The following SDK1 variants were observed in gnomAD, a reference collection of about 807,000 sequenced individuals.
SDK1 encodes protein sidekick-1.
SDK1 carries 157 observed loss-of-function variants against 245.5 expected under a neutral mutation model. The observed-to-expected ratio is 0.64, with a 90% confidence interval of 0.56 to 0.73. The LOEUF (loss-of-function observed/expected upper bound fraction) is 0.73, where lower values mean the gene tolerates loss of function less well. Among genes scored for constraint, SDK1 ranks in the 30% least tolerant of loss-of-function variants. SDK1 has a pLI of 0.00. For missense variants in SDK1, 3,583 were observed against 3,002.3 expected (o/e 1.19, Z -4.52); for synonymous variants, 1,647 against 1,278.5 (o/e 1.29, Z -6.15).
At chr7:3,620,268 T>TTATGAGAATG (rs1781894724) in intron 2 of SDK1, among the ~76,000 whole-genome samples, 1 of 151,180 alleles carries the variant, frequency 6.6e-6, no homozygotes, top group South Asian at 2.1e-4. Flanking sequence ...ATTTTAAAAA[T>TTATGAGAATG]CAATTAAAAA....
chr7:3,557,108 A>C (rs1012874828), intron 1 of SDK1, among the ~76,000 whole-genome samples: 1 of 152,096 alleles, frequency 6.6e-6, no homozygotes, highest in Non-Finnish European at 1.5e-5. Context: ...TAATAAAAGC[A>C]AAAGTCGACA....
intron 13 of SDK1, among the ~76,000 whole-genome samples, chr7:3,981,442 C>A (rs565861863): frequency 5.3e-5 from 8 of 150,338 alleles, no homozygotes; most frequent in African/African-American, 1.9e-4. Flanking sequence ...GAGGGTTGTA[C>A]GTCTCTCACT....
intron 30 of SDK1, among the ~76,000 whole-genome samples, chr7:4,154,871 G>A (rs1000730556): frequency 6.6e-6 from 1 of 152,050 alleles, no homozygotes; most frequent in African/African-American, 2.4e-5. Flanking sequence ...ACAGGAGGGT[G>A]TTCTTGCATC....
At chr7:3,916,149 G>T (rs1482278700) in intron 5 of SDK1, among the ~76,000 whole-genome samples, 2 of 152,194 alleles carry the variant, frequency 1.3e-5, no homozygotes, top group African/African-American at 2.4e-5. Context: ...GTAGCGGGGG[G>T]TGGGAAAGAG....
chr7:3,998,206 C>T (rs73673219), intron 14 of SDK1, among the ~76,000 whole-genome samples: 9,216 of 152,332 alleles, frequency 0.06, 884 homozygotes, highest in African/African-American at 0.21. Context: ...GCTCCCGCCC[C>T]AACTCGTAAG....
intron 7 of SDK1, among the ~76,000 whole-genome samples, chr7:3,954,562 C>G (rs1028950997): frequency 7.9e-5 from 5 of 63,356 alleles, no homozygotes; most frequent in Admixed American, 1.9e-4. Context: ...CCTCAACACC[C>G]TCCCTTCCCG....
intron 21 of SDK1, 89 bp from the exon 22 acceptor site, chr7:4,079,374 T>G (rs1780911814): frequency 6.8e-7 from 1 of 1,479,708 alleles, no homozygotes; most frequent in Admixed American, 1.8e-5. Context: ...GTTTTGAAAC[T>G]GTTTACTTTT....
At chr7:3,964,673 G>C (rs932022478) in intron 9 of SDK1, among the ~76,000 whole-genome samples, 2 of 152,124 alleles carry the variant, frequency 1.3e-5, no homozygotes, top group African/African-American at 2.4e-5. Flanking sequence ...GTAGAATCTA[G>C]TGATTATGGA....
At chr7:3,587,021 G>T (rs901131523) in intron 1 of SDK1, among the ~76,000 whole-genome samples, 3 of 152,330 alleles carry the variant, frequency 2.0e-5, no homozygotes, top group Admixed American at 6.5e-5. Flanking sequence ...GGAGGAGGAA[G>T]GACCCTGGGC....
intron 2 of SDK1, among the ~76,000 whole-genome samples, chr7:3,637,026 G>GT (rs973445888): frequency 1.3e-5 from 2 of 150,188 alleles, no homozygotes; most frequent in African/African-American, 2.5e-5. Context: ...AAATTAAGTT[G>GT]TTTTTTTAAG....
chr7:3,978,795 G>T (rs908327266), intron 13 of SDK1, among the ~76,000 whole-genome samples: 3 of 152,220 alleles, frequency 2.0e-5, no homozygotes, highest in African/African-American at 7.2e-5. Context: ...AAGGGACTGA[G>T]AGGTGCTTAT....
chr7:3,679,471 G>T lies in SDK1; in HGVS notation c.713+37366G>T, dbSNP rs6980238. Among the ~76,000 whole-genome samples, 4 of 152,028 alleles carry T rather than the reference G, an allele frequency of 2.6e-5. No homozygotes were observed. The East Asian group carries it at 7.8e-4, about 30-fold the overall frequency. ...AGTCCCAGGTACTCGGGAGGCTGAG[G>T]CAGGAGAATGGCGTGAACCCGGGAG... On this transcript the variant is annotated intron_variant, in intron 4 of 44. Transcript: ENST00000404826.
intron 14 of SDK1, among the ~76,000 whole-genome samples, chr7:3,994,619 G>A (rs1259438278): frequency 1.4e-5 from 2 of 147,472 alleles, no homozygotes; most frequent in African/African-American, 5.1e-5. Context: ...TCCAGCCTGG[G>A]AGACAGAATG....
chr7:3,409,753 T>G (rs1779149129), intron 1 of SDK1, among the ~76,000 whole-genome samples: 1 of 152,090 alleles, frequency 6.6e-6, no homozygotes, highest in Non-Finnish European at 1.5e-5. Context: ...AACCACGCTT[T>G]GTATTTAGGT....
intron 1 of SDK1, among the ~76,000 whole-genome samples, chr7:3,355,501 A>T (rs1223580321): frequency 6.6e-6 from 1 of 152,084 alleles, no homozygotes; most frequent in Non-Finnish European, 1.5e-5. Flanking sequence ...TGTAAATTTA[A>T]ATCTTAACAC....
At chr7:3,831,626 A>G (rs17133902) in intron 5 of SDK1, among the ~76,000 whole-genome samples, 13,671 of 152,180 alleles carry the variant, frequency 0.09, 2,018 homozygotes, top group African/African-American at 0.31. Context: ...GTTTAACTTC[A>G]GTTTCCAATT....
chr7:4,102,292 T>G (rs1381499438), intron 22 of SDK1, among the ~76,000 whole-genome samples: 2 of 152,126 alleles, frequency 1.3e-5, no homozygotes, highest in Non-Finnish European at 2.9e-5. Context: ...TCAGGAGGTT[T>G]CATTTGGCTG....
At chr7:3,365,895 T>C (rs1781075401) in intron 1 of SDK1, among the ~76,000 whole-genome samples, 1 of 152,026 alleles carries the variant, frequency 6.6e-6, no homozygotes, top group Admixed American at 6.5e-5. Context: ...AAAAATTAGC[T>C]AGGCGTGGTG....
At chr7:3,662,371 C>G (rs895608082) in intron 4 of SDK1, among the ~76,000 whole-genome samples, 2 of 152,292 alleles carry the variant, frequency 1.3e-5, no homozygotes, top group Middle Eastern at 3.4e-3. Flanking sequence ...CAGCTCAGCA[C>G]TGGGAGCCAG....
Sources: allele counts gnomAD v4.1 joint callset (sites outside exome capture counted in the v4.1 genomes callset), GRCh38; gene constraint gnomAD v4.1.1; transcripts MANE v1.5; gene names NCBI Gene and HGNC (gene_info 2026-07-23, HGNC 2026-07-21).